Variants in TPRG1 observed in about 807,000 individuals in gnomAD.
TPRG1 encodes the protein tumor protein p63-regulated gene 1 protein.
A neutral mutation model predicts 29.3 loss-of-function variants in TPRG1; 29 were observed. The ratio of observed to expected loss-of-function variants is 0.99; its 90% CI spans 0.74 to 1.35. The LOEUF (loss-of-function observed/expected upper bound fraction) is 1.35, where lower values mean the gene tolerates loss of function less well. TPRG1 is among the 40% of genes most tolerant of loss of function. TPRG1 has a pLI of 0.00. For missense variants in TPRG1, 327 were observed against 335.0 expected (o/e 0.98, Z 0.19); for synonymous variants, 130 against 116.8 (o/e 1.11, Z -0.73).
At chr3:189,310,163 G>T in intron 4 of TPRG1, 1 of 338,490 alleles carries the variant, frequency 3.0e-6, no homozygotes, top group Non-Finnish European at 5.4e-6. Flanking sequence ...CTGAGTGTCA[G>T]ACTCACATTT....
chr3:189,064,415 G>A (rs1037838845), intron 4 of TPRG1, among the ~76,000 whole-genome samples: 2 of 151,980 alleles, frequency 1.3e-5, no homozygotes, highest in East Asian at 1.9e-4. Flanking sequence ...CTGGGTTAAC[G>A]CTTTCCTGTA....
At chr3:189,024,772 T>C (rs1266987455) in intron 4 of TPRG1, among the ~76,000 whole-genome samples, 1 of 152,160 alleles carries the variant, frequency 6.6e-6, no homozygotes, top group Non-Finnish European at 1.5e-5. Context: ...TAATGAGGAA[T>C]GGATAAAGAT....
At chr3:189,288,249 A>G (rs544024773) in intron 4 of TPRG1, among the ~76,000 whole-genome samples, 2 of 152,324 alleles carry the variant, frequency 1.3e-5, no homozygotes, top group Admixed American at 6.5e-5. Flanking sequence ...TATGTAAAAA[A>G]AAGATGCTGC....
At chr3:189,266,016 T>C (rs1187057086) in intron 4 of TPRG1, among the ~76,000 whole-genome samples, 1 of 152,138 alleles carries the variant, frequency 6.6e-6, no homozygotes, top group African/African-American at 2.4e-5. Flanking sequence ...AGACCGAGAA[T>C]GATAAGGGTT....
exon 4 of TPRG1, chr3:189,023,933 G>C (rs1477843475): frequency 2.0e-5 from 3 of 152,266 alleles, no homozygotes; most frequent in East Asian, 3.8e-4. Context: ...TGAGGTGGCT[G>C]AAGACTCCAG....
chr3:189,024,444 A>G (rs542730126), intron 4 of TPRG1, among the ~76,000 whole-genome samples: 4 of 149,074 alleles, frequency 2.7e-5, no homozygotes, highest in South Asian at 4.3e-4. Context: ...AACTCTGTCT[A>G]TATAATATAG....
intron 1 of TPRG1, among the ~76,000 whole-genome samples, chr3:189,173,409 G>A (rs9820255): frequency 3.4e-5 from 5 of 145,128 alleles, no homozygotes; most frequent in Middle Eastern, 3.3e-3. Flanking sequence ...GCGCGATCTC[G>A]GCTCACTGCA....
At chr3:189,008,179 T>G (rs1038874726) in intron 3 of TPRG1, among the ~76,000 whole-genome samples, 3 of 151,946 alleles carry the variant, frequency 2.0e-5, no homozygotes, top group Non-Finnish European at 1.5e-5. Context: ...TGTATCTGCA[T>G]GTGTGTGAGT....
At chr3:189,244,607 C>T (rs1741108645) in intron 4 of TPRG1, among the ~76,000 whole-genome samples, 1 of 151,944 alleles carries the variant, frequency 6.6e-6, no homozygotes, top group African/African-American at 2.4e-5. Flanking sequence ...TTTAAATGAC[C>T]AGATCTTACA....
chr3:189,290,978 C>T (rs187598195), intron 4 of TPRG1, among the ~76,000 whole-genome samples: 44 of 152,286 alleles, frequency 2.9e-4, no homozygotes, highest in African/African-American at 1.1e-3. Flanking sequence ...TCTCCACTCA[C>T]TGCAAGCTCC....
upstream of TPRG1, among the ~76,000 whole-genome samples, chr3:189,170,330 A>G (rs1163179263): frequency 6.6e-6 from 1 of 152,178 alleles, no homozygotes. Flanking sequence ...AGGGGGCATA[A>G]ATCAGTTTGA....
chr3:189,105,839 A>G (rs992559735), intron 1 of TPRG1, among the ~76,000 whole-genome samples: 1 of 152,084 alleles, frequency 6.6e-6, no homozygotes, highest in Non-Finnish European at 1.5e-5. Flanking sequence ...AATTGGAAAC[A>G]TTTTTTGAAG....
At chr3:189,133,779 C>G (rs898712942) in intron 3 of TPRG1, among the ~76,000 whole-genome samples, 3 of 152,142 alleles carry the variant, frequency 2.0e-5, no homozygotes, top group African/African-American at 7.2e-5. Context: ...AAGAGAAGAT[C>G]TACAGGAGAG....
chr3:189,100,247 G>C (rs1342926647), intron 1 of TPRG1: 2 of 152,370 alleles, frequency 1.3e-5, no homozygotes, highest in African/African-American at 4.8e-5. Context: ...AGCTTCAGTT[G>C]CCACAGGGAG....
chr3:189,187,844 T>C (rs1373733037), intron 1 of TPRG1, among the ~76,000 whole-genome samples: 1 of 152,266 alleles, frequency 6.6e-6, no homozygotes, highest in Non-Finnish European at 1.5e-5. Context: ...CTGAATTGCT[T>C]CTTACCCATT....
chr3:189,226,601 C>T (rs778863469), intron 3 of TPRG1, among the ~76,000 whole-genome samples: 2 of 151,468 alleles, frequency 1.3e-5, no homozygotes, highest in Non-Finnish European at 2.9e-5. Flanking sequence ...CAACCTAAGT[C>T]CCTGCTTCAA....
intron 1 of TPRG1, among the ~76,000 whole-genome samples, chr3:189,113,633 A>C (rs1720816356): frequency 6.6e-6 from 1 of 152,134 alleles, no homozygotes; most frequent in Admixed American, 6.6e-5. Context: ...TATTGAGATA[A>C]TCATGTGGTT....
intron 3 of TPRG1, among the ~76,000 whole-genome samples, chr3:189,138,876 T>C (rs900015994): frequency 6.6e-6 from 1 of 151,946 alleles, no homozygotes; most frequent in Non-Finnish European, 1.5e-5. Context: ...AATAAAGGGG[T>C]CAGGGAGGGC....
rs146490814 is a variant in TPRG1, at chr3:189,109,454, T to A, written c.-744+9250T>A. ...ACCTGAGTACTGATCCCTGGCAACC[T>A]CTGCTCCCACCTTGCTACTGCACAG... On this transcript the variant is annotated intron_variant, in intron 1 of 6. Transcript: ENST00000412373. Among the ~76,000 whole-genome samples the A allele has an allele frequency of 1.6e-3, 244 of 152,278 alleles. 1 individual carries two copies. Among genetic ancestry groups the A allele is most frequent in the Non-Finnish European group, 3.1e-3 (210 of 68,002 alleles).
Sources: allele counts gnomAD v4.1 joint callset (sites outside exome capture counted in the v4.1 genomes callset), GRCh38; gene constraint gnomAD v4.1.1; transcripts MANE v1.5; gene names NCBI Gene and HGNC (gene_info 2026-07-23, HGNC 2026-07-21).